The following KALRN variants were observed in gnomAD, a reference collection of about 807,000 sequenced individuals.
The protein encoded by KALRN is kalirin RhoGEF kinase.
Under a neutral mutation model 353.7 loss-of-function variants are expected in KALRN, and 70 were observed. That is an observed-to-expected ratio of 0.20 (90% CI 0.16 to 0.24). The LOEUF (loss-of-function observed/expected upper bound fraction) is 0.24. Among genes scored for constraint, KALRN ranks in the 10% least tolerant of loss-of-function variants. The pLI, the probability that KALRN is intolerant of heterozygous loss-of-function variation, is 1.00. For synonymous variants in KALRN, 1,391 were observed against 1,434.8 expected (o/e 0.97, Z 0.69); for missense variants, 2,791 against 3,756.7 (o/e 0.74, Z 6.72).
rs77626361 is a variant in KALRN, at chr3:124,045,903, A to G, written c.73+12090A>G. Among the ~76,000 whole-genome samples, 1,121 of 152,294 alleles carry G rather than the reference A, an allele frequency of 7.4e-3. 16 individuals are homozygous for G. Among genetic ancestry groups the G allele is most frequent in the African/African-American group, 0.026 (1,085 of 41,558 alleles). On this transcript the variant is annotated intron_variant, in intron 1 of 59. Transcript: ENST00000682506. ...CATTGAAGAGAGAGTGCTTGGGCTGAAATGGATGAAAAGGTAGTGCAAACA... is the reference window on the plus strand; with the variant it reads ...CATTGAAGAGAGAGTGCTTGGGCTGGAATGGATGAAAAGGTAGTGCAAACA...
chr3:124,094,783 G>C lies in KALRN; in HGVS notation c.73+60970G>C, dbSNP rs370225865. On this transcript the variant is annotated intron_variant, in intron 1 of 59. Coordinates refer to ENST00000682506, the MANE Select transcript of KALRN (RefSeq NM_001388419.1). ...ATTCCGGCCTCCTCGAGTCAGCGGT[G>C]GTGGGATGAGGCTCTGCCGAGGGGA... The C allele has an allele frequency of 1.4e-4, 208 of 1,479,888 alleles. No homozygotes were observed. In the African/African-American group the frequency reaches 2.7e-3, roughly 19 times the overall value. 91.7% of individuals were successfully genotyped at this position (1,479,888 alleles called of 1,614,324 possible). A position where few individuals can be genotyped will look rare whatever the true frequency, so the allele number is the denominator to read the frequency against.
chr3:124,303,555 G>T (rs2077433034), intron 6 of KALRN, among the ~76,000 whole-genome samples: 1 of 152,186 alleles, frequency 6.6e-6, no homozygotes, highest in African/African-American at 2.4e-5. Flanking sequence ...CTATGTTCTG[G>T]TTCTTCATGC....
intron 34 of KALRN, among the ~76,000 whole-genome samples, chr3:124,624,055 A>C (rs1270197857): frequency 3.3e-5 from 5 of 152,218 alleles, no homozygotes; most frequent in Non-Finnish European, 5.9e-5. Context: ...TTTCAGAAAT[A>C]AACAGTTCAT....
chr3:124,283,679 T>C (rs917205033), intron 5 of KALRN, among the ~76,000 whole-genome samples: 5 of 152,160 alleles, frequency 3.3e-5, no homozygotes, highest in Non-Finnish European at 4.4e-5. Context: ...AGTCTGAAAA[T>C]ATTTATATTA....
At chr3:124,062,269 A>G (rs1439416541) in intron 1 of KALRN, among the ~76,000 whole-genome samples, 3 of 152,208 alleles carry the variant, frequency 2.0e-5, no homozygotes, top group Non-Finnish European at 4.4e-5. Flanking sequence ...TTAAATGAAG[A>G]AGTTGGACCA....
intron 12 of KALRN, among the ~76,000 whole-genome samples, chr3:124,397,151 A>T (rs2090266901): frequency 6.6e-6 from 1 of 152,214 alleles, no homozygotes; most frequent in Non-Finnish European, 1.5e-5. Context: ...AGAAAGACTG[A>T]GAGGAGAAGT....
chr3:124,106,969 C>T (rs1559965453), intron 1 of KALRN, among the ~76,000 whole-genome samples: 1 of 152,272 alleles, frequency 6.6e-6, no homozygotes, highest in South Asian at 2.1e-4. Context: ...TTTCTCTATC[C>T]TTCCTTGTTA....
intron 1 of KALRN, among the ~76,000 whole-genome samples, chr3:124,074,646 A>G (rs994779588): frequency 2.0e-5 from 3 of 152,204 alleles, no homozygotes; most frequent in Non-Finnish European, 4.4e-5. Flanking sequence ...AGACTGTCCT[A>G]TCATTTCTCT....
intron 5 of KALRN, among the ~76,000 whole-genome samples, chr3:124,280,088 G>T (rs952376526): frequency 2.0e-5 from 3 of 152,216 alleles, no homozygotes; most frequent in Non-Finnish European, 2.9e-5. Context: ...AGTGGACCAC[G>T]AGGAAAACTG....
intron 51 of KALRN, among the ~76,000 whole-genome samples, chr3:124,685,915 G>A: frequency 6.6e-6 from 1 of 152,176 alleles, no homozygotes; most frequent in South Asian, 2.1e-4. Context: ...TGCTATTGAA[G>A]AAGCAAAGAC....
intron 1 of KALRN, among the ~76,000 whole-genome samples, chr3:124,068,689 T>A (rs1371987006): frequency 2.0e-5 from 3 of 152,180 alleles, no homozygotes; most frequent in African/African-American, 7.2e-5. Flanking sequence ...CCTGGTAGAT[T>A]TTAAATATTT....
intron 1 of KALRN, among the ~76,000 whole-genome samples, chr3:124,189,340 G>A (rs909870193): frequency 1.3e-5 from 2 of 152,100 alleles, no homozygotes; most frequent in Non-Finnish European, 1.5e-5. Flanking sequence ...TGTAAACATC[G>A]AAGTCTGCAA....
At chr3:124,174,678 T>C (rs908620120) in intron 1 of KALRN, among the ~76,000 whole-genome samples, 8 of 152,166 alleles carry the variant, frequency 5.3e-5, no homozygotes, top group Admixed American at 2.0e-4. Context: ...CAGGCCCCCA[T>C]GCATGTGGCC....
chr3:124,685,131 C>A (rs968717750), intron 51 of KALRN, among the ~76,000 whole-genome samples: 4 of 152,128 alleles, frequency 2.6e-5, no homozygotes, highest in Non-Finnish European at 4.4e-5. Context: ...GAAAAGAACC[C>A]TTTGGATGAA....
At chr3:124,313,991 T>A (rs2078549302) in intron 6 of KALRN, among the ~76,000 whole-genome samples, 1 of 152,152 alleles carries the variant, frequency 6.6e-6, no homozygotes, top group African/African-American at 2.4e-5. Context: ...TCTTCCACAA[T>A]GGTTGAACTA....
Position 124,456,737 on chromosome 3 carries a change from T to C in KALRN, c.3854+9T>C. ...TCAGCCCGGAAGAAAGAGTACGTGTTGGCTTCCGCCCAGCTAGCTGGCTCC... is the reference window on the plus strand; with the variant it reads ...TCAGCCCGGAAGAAAGAGTACGTGTCGGCTTCCGCCCAGCTAGCTGGCTCC... On this transcript the variant is annotated intron_variant, in intron 23 of 59. Transcript: ENST00000682506. 1 of 1,599,750 alleles carries C rather than the reference T, an allele frequency of 6.3e-7. No individual in the cohort carries two copies.
chr3:124,496,471 T>A, intron 33 of KALRN, 58 bp downstream of exon 33: 3 of 1,243,992 alleles, frequency 2.4e-6, no homozygotes, highest in Non-Finnish European at 3.6e-6. Flanking sequence ...CAACCACCCC[T>A]GGAGAGGTAC....
At chr3:124,609,691 G>T (rs764366612) in intron 34 of KALRN, among the ~76,000 whole-genome samples, 5 of 152,212 alleles carry the variant, frequency 3.3e-5, no homozygotes, top group Non-Finnish European at 7.3e-5. Flanking sequence ...TGTCTTGCAG[G>T]CTTGAGGCCT....
chr3:124,461,477 T>C (rs549112011), intron 23 of KALRN, among the ~76,000 whole-genome samples: 17 of 152,296 alleles, frequency 1.1e-4, no homozygotes, highest in Admixed American at 1.0e-3. Flanking sequence ...TGAACAGAAA[T>C]CTTCATTCTG....
Sources: gnomAD v4.1 joint callset for allele counts (sites outside exome capture counted in the v4.1 genomes callset) on GRCh38, gnomAD v4.1.1 for gene constraint, MANE v1.5 for transcripts, NCBI Gene and HGNC (gene_info 2026-07-23, HGNC 2026-07-21) for gene names.